The following RP1 variants were observed in gnomAD, a reference collection of about 807,000 sequenced individuals.
RP1 encodes oxygen-regulated protein 1.
RP1 carries 16 observed loss-of-function variants against 14.8 expected under a neutral mutation model. That is an observed-to-expected ratio of 1.08 (90% CI 0.73 to 1.65). The LOEUF (loss-of-function observed/expected upper bound fraction) is 1.65. Ranked by LOEUF, RP1 falls within the 40% of genes most tolerant of loss-of-function variation. RP1 has a pLI of 0.00. For synonymous variants in RP1, 876 were observed against 883.6 expected, an observed-to-expected ratio of 0.99 and a Z score of 0.15; for missense variants, 2,631 against 2,535.0, an observed-to-expected ratio of 1.04 and a Z score of -0.81.
At chr8:54,744,447 C>T (rs1385199089) in intron 19 of RP1, among the ~76,000 whole-genome samples, 1 of 152,116 alleles carries the variant, frequency 6.6e-6, no homozygotes, top group Admixed American at 6.5e-5. Context: ...AATTTGTTCC[C>T]CAATGAAAGG....
chr8:54,846,625 A>G (rs1334866558), intron 25 of RP1, among the ~76,000 whole-genome samples: 1 of 152,220 alleles, frequency 6.6e-6, no homozygotes, highest in African/African-American at 2.4e-5. Flanking sequence ...TTTGACTCCA[A>G]ATAAACTCAG....
chr8:54,771,243 G>T (rs1180939184), downstream of RP1, among the ~76,000 whole-genome samples: 2 of 151,928 alleles, frequency 1.3e-5, no homozygotes, highest in Non-Finnish European at 2.9e-5. Flanking sequence ...TAATTTTAAG[G>T]GACCTCCAGA....
chr8:54,820,637 G>A (rs1747005297), intron 24 of RP1, among the ~76,000 whole-genome samples: 1 of 152,142 alleles, frequency 6.6e-6, no homozygotes, highest in Admixed American at 6.5e-5. Context: ...TTCTCTGCAT[G>A]CTGTAGGGGA....
chr8:54,631,577 A>G (rs545237891), downstream of RP1, among the ~76,000 whole-genome samples: 1 of 151,798 alleles, frequency 6.6e-6, no homozygotes, highest in East Asian at 1.9e-4. Context: ...TAGGAGCAAA[A>G]GGTAAAGGAC....
intron 14 of RP1, chr8:54,706,401 C>A: frequency 6.6e-7 from 1 of 1,523,180 alleles, no homozygotes; most frequent in Non-Finnish European, 8.8e-7. Context: ...AAAACACGAG[C>A]CCGTTACTGA....
intron 7 of RP1, chr8:54,663,988 C>T (rs1426776035): frequency 4.9e-6 from 4 of 820,372 alleles, no homozygotes; most frequent in Non-Finnish European, 6.9e-6. Context: ...TTCTGTGCAA[C>T]AGATCATCAG....
At chr8:54,779,584 A>C (rs185583309) in intron 23 of RP1, among the ~76,000 whole-genome samples, 39 of 152,358 alleles carry the variant, frequency 2.6e-4, no homozygotes, top group Admixed American at 1.0e-3. Flanking sequence ...AGAATAAGGT[A>C]AAGAAAAAAA....
At chr8:54,853,491 T>A (rs1022849306) in intron 26 of RP1, among the ~76,000 whole-genome samples, 22 of 152,074 alleles carry the variant, frequency 1.4e-4, no homozygotes, top group Admixed American at 6.6e-4. Context: ...GGAGCAGCCT[T>A]GGGGGACAGA....
At chr8:54,792,160 A>G (rs188011200) in intron 24 of RP1, among the ~76,000 whole-genome samples, 34 of 152,136 alleles carry the variant, frequency 2.2e-4, no homozygotes. Flanking sequence ...AGATAGAACA[A>G]TTATAAATAT....
At position 54,629,927 on chromosome 8, in the gene RP1, A is replaced by G. The variant is rs764475455; in HGVS notation, c.6045A>G (p.Leu2015=). 6.2e-6 allele frequency: 10 copies of G among 1,613,854 alleles called. No individual in the cohort carries two copies. The East Asian group carries it at 2.2e-4, about 36-fold the overall frequency. The change falls in exon 4 of 4, where the codon TTA becomes TTG. Residue 2015 remains leucine, a synonymous_variant. Coordinates refer to ENST00000220676, the MANE Select transcript of RP1 (RefSeq NM_006269.2). The part of the protein sequence containing the change: ...RKQKRINFLG[L]EEEGNLKKFQ... ...AAAAAAGAATTAACTTCTTGGGGTTAGAGGAAGAAGGTAATTTAAAGAAAT... is the reference window on the plus strand; with the variant it reads ...AAAAAAGAATTAACTTCTTGGGGTTGGAGGAAGAAGGTAATTTAAAGAAAT...
In RP1 at chr8:54,626,138, G is replaced by T; in HGVS notation, c.2256G>T (p.Thr752=). 1.9e-6 allele frequency: 3 copies of T among 1,612,682 alleles called. No homozygotes were observed. Among genetic ancestry groups the T allele is most frequent in the Non-Finnish European group, 2.5e-6 (3 of 1,179,504 alleles). Residue 752 remains threonine, a synonymous_variant, in exon 4 of 4, where the codon ACG becomes ACT. Transcript: ENST00000220676. Reference sequence around the variant, plus strand: ...GTTCCAAAAGTAATCTCAATTCCACGATTTCCAAGAATTTCCATAGAAATA... The same window carrying T: ...GTTCCAAAAGTAATCTCAATTCCACTATTTCCAAGAATTTCCATAGAAATA... The part of the protein sequence containing the change: ...TFCSKSNLNS[T]ISKNFHRNKL...
chr8:54,565,941 G>A (rs558629799), intron 1 of RP1, among the ~76,000 whole-genome samples: 1 of 152,278 alleles, frequency 6.6e-6, no homozygotes, highest in East Asian at 1.9e-4. Context: ...CTCTGCGGGT[G>A]TGCTGGCCAT....
At chr8:54,832,488 C>A (rs1199315736) in intron 24 of RP1, among the ~76,000 whole-genome samples, 2 of 151,634 alleles carry the variant, frequency 1.3e-5, no homozygotes, top group African/African-American at 4.8e-5. Flanking sequence ...TTCTAGATAG[C>A]ACTTGACAAT....
At chr8:54,783,603 G>A (rs1810242814) in exon 24 of RP1, 4 of 1,231,622 alleles carry the variant, frequency 3.2e-6, no homozygotes, top group Non-Finnish European at 4.1e-6. Context: ...CGGCACCACG[G>A]CAACAGTGTT....
chr8:54,803,688 AT>A, intron 24 of RP1, among the ~76,000 whole-genome samples: 1 of 152,338 alleles, frequency 6.6e-6, no homozygotes, highest in Admixed American at 6.5e-5. Context: ...GCTACAATTT[AT>A]TTAAGAAAAG....
chr8:54,729,786 GCATAA>G (rs1251499115), intron 17 of RP1, among the ~76,000 whole-genome samples: 2 of 151,766 alleles, frequency 1.3e-5, no homozygotes, highest in Admixed American at 6.6e-5. Flanking sequence ...TGTTGACGTA[GCATAA>G]CATATTTACC....
At chr8:54,688,633 T>G (rs902444736) in intron 12 of RP1, among the ~76,000 whole-genome samples, 6 of 152,070 alleles carry the variant, frequency 3.9e-5, no homozygotes, top group African/African-American at 1.2e-4. Flanking sequence ...AGATGTGTGG[T>G]GTTATTTCTG....
chr8:54,652,808 T>G (rs1806682720), exon 5 of RP1: 2 of 1,535,924 alleles, frequency 1.3e-6, no homozygotes, highest in East Asian at 4.9e-5. Flanking sequence ...GGAGCACTCT[T>G]TAAGATTCGT....
At chr8:54,681,735 CTGATGTGTCCA>C (rs1268934528) in intron 12 of RP1, among the ~76,000 whole-genome samples, 1 of 151,998 alleles carries the variant, frequency 6.6e-6, no homozygotes, top group Non-Finnish European at 1.5e-5. Context: ...CCACCACCCC[CTGATGTGTCCA>C]TGTGTTCTCA....
Sources: gnomAD v4.1 joint callset for allele counts (sites outside exome capture counted in the v4.1 genomes callset) on GRCh38, gnomAD v4.1.1 for gene constraint, MANE v1.5 for transcripts, NCBI Gene and HGNC (gene_info 2026-07-23, HGNC 2026-07-21) for gene names.